Variants in IDO2 observed in about 807,000 individuals in gnomAD.
The protein encoded by IDO2 is indoleamine 2,3-dioxygenase-like 1 protein.
A neutral mutation model predicts 45.1 loss-of-function variants in IDO2; 46 were observed. That is an observed-to-expected ratio of 1.02 (90% CI 0.80 to 1.30). The LOEUF (loss-of-function observed/expected upper bound fraction) is 1.30. Among genes scored for constraint, IDO2 ranks in the 50% most tolerant of loss-of-function variants. The probability of loss-of-function intolerance (pLI) is 0.00; values close to 1 mark genes in which losing one functional copy is unlikely to be tolerated. For synonymous variants in IDO2, 218 were observed against 184.9 expected (o/e 1.18, Z -1.45); for missense variants, 544 against 491.8 (o/e 1.11, Z -1.00).
intron 1 of IDO2, among the ~76,000 whole-genome samples, chr8:39,937,253 T>C (rs1389526891): frequency 6.6e-6 from 1 of 152,200 alleles, no homozygotes; most frequent in Non-Finnish European, 1.5e-5. Flanking sequence ...TGGGATTATA[T>C]TCCAACAGTT....
At chr8:39,946,878 G>A (rs1807739829) in intron 1 of IDO2, among the ~76,000 whole-genome samples, 1 of 151,706 alleles carries the variant, frequency 6.6e-6, no homozygotes, top group Non-Finnish European at 1.5e-5. Context: ...AGAGGGTTGA[G>A]GCTGGGAGAG....
At chr8:39,982,094 C>T (rs1808361361) in intron 4 of IDO2, among the ~76,000 whole-genome samples, 2 of 152,134 alleles carry the variant, frequency 1.3e-5, no homozygotes, top group Admixed American at 6.6e-5. Context: ...CAGGTTTCTG[C>T]ATCTAGCTTT....
chr8:39,980,175 T>C (rs137893229), intron 4 of IDO2, among the ~76,000 whole-genome samples: 1 of 152,328 alleles, frequency 6.6e-6, no homozygotes, highest in Non-Finnish European at 1.5e-5. Flanking sequence ...TACTCTTATG[T>C]ATATAAATTA....
chr8:39,969,428 C>T (rs546925737), intron 3 of IDO2, among the ~76,000 whole-genome samples: 1 of 152,308 alleles, frequency 6.6e-6, no homozygotes, highest in South Asian at 2.1e-4. Context: ...GTTCTGACTG[C>T]TCCACTGACC....
chr8:40,011,622 C>T (rs968364266), intron 9 of IDO2, among the ~76,000 whole-genome samples: 9 of 152,112 alleles, frequency 5.9e-5, no homozygotes, highest in African/African-American at 1.7e-4. Flanking sequence ...AAAGGGGAGC[C>T]GGGATTCCCA....
At chr8:39,971,876 T>G (rs749626813) in intron 3 of IDO2, among the ~76,000 whole-genome samples, 13 of 152,156 alleles carry the variant, frequency 8.5e-5, no homozygotes, top group African/African-American at 1.2e-4. Flanking sequence ...TGGCGCAATC[T>G]TGGCTCACTG....
intron 9 of IDO2, among the ~76,000 whole-genome samples, chr8:40,007,316 C>T (rs1441478091): frequency 6.6e-6 from 1 of 151,946 alleles, no homozygotes; most frequent in Non-Finnish European, 1.5e-5. Context: ...GTATTTTCTC[C>T]AGATTGGGTG....
intron 8 of IDO2, among the ~76,000 whole-genome samples, chr8:39,992,891 T>C (rs1801960224): frequency 6.6e-6 from 1 of 152,168 alleles, no homozygotes; most frequent in African/African-American, 2.4e-5. Context: ...CAGACTGCAG[T>C]GGCGTTTTGG....
chr8:39,975,179 T>G (rs1808241770), intron 3 of IDO2, among the ~76,000 whole-genome samples: 1 of 151,746 alleles, frequency 6.6e-6, no homozygotes, highest in Non-Finnish European at 1.5e-5. Context: ...TTGTTTTTTT[T>G]TTTTGTGACG....
intron 8 of IDO2, among the ~76,000 whole-genome samples, chr8:39,998,702 A>G (rs1585417414): frequency 7.9e-6 from 1 of 126,870 alleles, no homozygotes; most frequent in South Asian, 2.4e-4. Flanking sequence ...GTGCAATGCT[A>G]TGATCTCGGC....
At chr8:39,961,162 G>C (rs1038284095) in intron 2 of IDO2, among the ~76,000 whole-genome samples, 2 of 152,060 alleles carry the variant, frequency 1.3e-5, no homozygotes, top group African/African-American at 4.8e-5. Context: ...TGTATTGCTG[G>C]AATCAGTTCC....
intron 7 of IDO2, 120 bp from the exon 8 acceptor site, chr8:39,989,601 C>T: frequency 1.4e-6 from 1 of 696,948 alleles, no homozygotes; most frequent in South Asian, 1.9e-5. Context: ...TTAGGACGTT[C>T]CCAGGAAGCT....
intron 1 of IDO2, among the ~76,000 whole-genome samples, chr8:39,935,802 A>C (rs1249022923): frequency 6.6e-6 from 1 of 152,208 alleles, no homozygotes; most frequent in Admixed American, 6.5e-5. Context: ...AGAACACCAC[A>C]TAAAGTAGTA....
chr8:39,941,699 G>A (rs1807645321), intron 1 of IDO2, among the ~76,000 whole-genome samples: 1 of 152,042 alleles, frequency 6.6e-6, no homozygotes, highest in Non-Finnish European at 1.5e-5. Flanking sequence ...CATTAATGCT[G>A]CAAATGTCTG....
At chr8:39,974,159 C>G (rs1808224443) in intron 3 of IDO2, among the ~76,000 whole-genome samples, 1 of 152,032 alleles carries the variant, frequency 6.6e-6, no homozygotes, top group Admixed American at 6.6e-5. Context: ...TGTTATAAAA[C>G]CATAGAAATT....
At chr8:39,946,858 G>A (rs562713481) in intron 1 of IDO2, among the ~76,000 whole-genome samples, 2 of 151,564 alleles carry the variant, frequency 1.3e-5, no homozygotes, top group East Asian at 3.9e-4. Flanking sequence ...CCCAAAAGTT[G>A]TTTGGTAGGA....
intron 3 of IDO2, among the ~76,000 whole-genome samples, chr8:39,972,601 C>T (rs1304906639): frequency 1.1e-5 from 1 of 92,076 alleles, no homozygotes; most frequent in Admixed American, 1.4e-4. Flanking sequence ...CAGAGCAAGA[C>T]TCCATCTCAA....
chr8:39,970,707 A>G (rs954135886), intron 3 of IDO2, among the ~76,000 whole-genome samples: 2 of 152,000 alleles, frequency 1.3e-5, no homozygotes, highest in Non-Finnish European at 2.9e-5. Flanking sequence ...TACATTTAAA[A>G]ATAGGTGTTC....
chr8:39,938,468 C>T (rs1272407381), intron 1 of IDO2, among the ~76,000 whole-genome samples: 1 of 151,850 alleles, frequency 6.6e-6, no homozygotes, highest in Non-Finnish European at 1.5e-5. Context: ...ATTTTAAAAA[C>T]TGCTATGACC....
Sources: allele counts gnomAD v4.1 joint callset (sites outside exome capture counted in the v4.1 genomes callset), GRCh38; gene constraint gnomAD v4.1.1; transcripts MANE v1.5; gene names NCBI Gene and HGNC (gene_info 2026-07-23, HGNC 2026-07-21).